The following TAF12 variants were observed in gnomAD, a reference collection of about 807,000 sequenced individuals.
TAF12 encodes the protein TATA-box binding protein associated factor 12, also known as transcription initiation factor TFIID subunit 12.
A neutral mutation model predicts 20.8 loss-of-function variants in TAF12; 3 were observed. The observed-to-expected ratio is 0.14, with a 90% CI of 0.07 to 0.37. The LOEUF (loss-of-function observed/expected upper bound fraction) is 0.37. Among genes scored for constraint, TAF12 ranks in the 10% least tolerant of loss-of-function variants. The pLI, the probability that TAF12 is intolerant of heterozygous loss-of-function variation, is 1.00. For synonymous variants in TAF12, 69 were observed against 70.2 expected, an observed-to-expected ratio of 0.98 and a Z score of 0.09; for missense variants, 131 against 197.9, an observed-to-expected ratio of 0.66 and a Z score of 2.03.
chr1:28,636,280 T>C (rs978482129), intron 1 of TAF12, among the ~76,000 whole-genome samples: 6 of 152,142 alleles, frequency 3.9e-5, no homozygotes, highest in African/African-American at 1.4e-4. Context: ...GGAGGACTGT[T>C]TGAGGTTAGG....
chr1:28,613,272 C>A lies in TAF12; in HGVS notation c.336G>T (p.Glu112Asp). Residue 112 changes from glutamate to aspartate, a missense_variant, in exon 4 of 6, where the codon GAG becomes GAT. Coordinates refer to ENST00000373824, the MANE Select transcript of TAF12 (RefSeq NM_005644.4). ...LARHRKSSTLEVKDVQLHLER... is the reference protein window; with the variant it reads ...LARHRKSSTLDVKDVQLHLER... ...CTAAATGCAGCTGGACATCTTTCACCTCCAGGGTGCTAGACTTGCGATGCC... is the reference window on the plus strand; with the variant it reads ...CTAAATGCAGCTGGACATCTTTCACATCCAGGGTGCTAGACTTGCGATGCC... 1 of 1,611,030 alleles carries A rather than the reference C, an allele frequency of 6.2e-7. No homozygotes were observed. Among genetic ancestry groups the A allele is most frequent in the South Asian group, 1.1e-5 (1 of 89,906 alleles).
upstream of TAF12, among the ~76,000 whole-genome samples, chr1:28,644,015 C>G (rs1668123238): frequency 6.6e-6 from 1 of 150,954 alleles, no homozygotes; most frequent in Admixed American, 6.6e-5. Context: ...CGCGCCACTG[C>G]ACTCCAGCCT....
intron 5 of TAF12, among the ~76,000 whole-genome samples, chr1:28,604,094 A>T (rs1343689076): frequency 6.6e-6 from 1 of 152,010 alleles, no homozygotes; most frequent in South Asian, 2.1e-4. Flanking sequence ...TAGTAGAGAC[A>T]GGGTTTCACT....
chr1:28,616,029 T>C (rs1667030773), intron 3 of TAF12, among the ~76,000 whole-genome samples: 1 of 152,184 alleles, frequency 6.6e-6, no homozygotes, highest in Non-Finnish European at 1.5e-5. Context: ...TTGTTAAACA[T>C]TTACCCATAT....
chr1:28,635,548 G>T (rs372628040), intron 1 of TAF12, among the ~76,000 whole-genome samples: 1 of 150,956 alleles, frequency 6.6e-6, no homozygotes, highest in African/African-American at 2.4e-5. Flanking sequence ...CTCATGATCT[G>T]CCCACCTCGG....
chr1:28,609,901 C>T (rs1191577314), intron 4 of TAF12, among the ~76,000 whole-genome samples: 1 of 152,188 alleles, frequency 6.6e-6, no homozygotes, highest in Non-Finnish European at 1.5e-5. Context: ...TCCCTGTACC[C>T]CCTTCCCCTT....
At chr1:28,604,737 C>T (rs868499160) in intron 5 of TAF12, among the ~76,000 whole-genome samples, 3 of 152,174 alleles carry the variant, frequency 2.0e-5, no homozygotes, top group African/African-American at 7.2e-5. Context: ...AAAAAGCTCA[C>T]GTTTCAAATC....
chr1:28,604,025 C>T (rs983699012), intron 5 of TAF12, among the ~76,000 whole-genome samples: 2 of 152,080 alleles, frequency 1.3e-5, no homozygotes, highest in Admixed American at 1.3e-4. Context: ...CTGCCTCAGC[C>T]TCCCCAGTAG....
intron 5 of TAF12, among the ~76,000 whole-genome samples, chr1:28,604,698 G>T (rs1666607450): frequency 6.6e-6 from 1 of 152,204 alleles, no homozygotes; most frequent in Admixed American, 6.5e-5. Context: ...ACTCAACCAG[G>T]ACTGCCCAGT....
intron 4 of TAF12, among the ~76,000 whole-genome samples, chr1:28,609,960 ATT>A (rs571047547): frequency 5.9e-5 from 9 of 151,698 alleles, no homozygotes; most frequent in Non-Finnish European, 1.0e-4. Context: ...GTCTCTATGA[ATT>A]TGTGTTGTGG....
At chr1:28,643,095 A>G (rs1206798447), upstream of TAF12, 1 of 985,660 alleles carries the variant, frequency 1.0e-6, no homozygotes, top group Admixed American at 6.2e-5. Context: ...TACTTCCGGC[A>G]CCGCTCCCCG....
At chr1:28,640,461 G>A (rs1570344250) in intron 1 of TAF12, among the ~76,000 whole-genome samples, 2 of 152,242 alleles carry the variant, frequency 1.3e-5, no homozygotes, top group South Asian at 4.1e-4. Context: ...CATGTAACTG[G>A]GGTTGGGTCA....
chr1:28,637,597 G>A (rs888742634), intron 1 of TAF12, among the ~76,000 whole-genome samples: 2 of 151,142 alleles, frequency 1.3e-5, no homozygotes, highest in Non-Finnish European at 3.0e-5. Context: ...CCCGTGAGGC[G>A]GAGGTTGCAG....
chr1:28,635,945 G>A (rs1362926443), intron 1 of TAF12, among the ~76,000 whole-genome samples: 4 of 152,012 alleles, frequency 2.6e-5, no homozygotes, highest in African/African-American at 9.7e-5. Context: ...CTGGAATCAA[G>A]AGGACTGGCC....
chr1:28,640,148 T>TA (rs1454866042), intron 1 of TAF12, among the ~76,000 whole-genome samples: 4 of 152,142 alleles, frequency 2.6e-5, no homozygotes, highest in Non-Finnish European at 5.9e-5. Flanking sequence ...CAGTCCAAAT[T>TA]AGTCTTTCTT....
chr1:28,644,360 A>C (rs141787841), upstream of TAF12, among the ~76,000 whole-genome samples: 3 of 152,324 alleles, frequency 2.0e-5, no homozygotes, highest in South Asian at 6.2e-4. Flanking sequence ...CCTCATGAAC[A>C]TTGGGCTCTA....
intron 1 of TAF12, among the ~76,000 whole-genome samples, chr1:28,625,537 ATTTTTTTT>A (rs753920655): frequency 1.5e-5 from 2 of 133,440 alleles, no homozygotes; most frequent in Non-Finnish European, 1.6e-5. Context: ...CACCCAGCTA[ATTTTTTTT>A]TTTTTTTTTT....
chr1:28,625,600 G>A (rs915850882), intron 1 of TAF12, among the ~76,000 whole-genome samples: 3 of 147,802 alleles, frequency 2.0e-5, no homozygotes, highest in Admixed American at 6.8e-5. Flanking sequence ...GGACTGCAGT[G>A]GCACTAACTC....
chr1:28,647,831 G>A (rs1668236939), upstream of TAF12, among the ~76,000 whole-genome samples: 1 of 151,574 alleles, frequency 6.6e-6, no homozygotes, highest in Non-Finnish European at 1.5e-5. Flanking sequence ...CCGATATCGC[G>A]CCACTGCACT....
Sources: allele counts gnomAD v4.1 joint callset (sites outside exome capture counted in the v4.1 genomes callset), GRCh38; gene constraint gnomAD v4.1.1; transcripts MANE v1.5; gene names NCBI Gene and HGNC (gene_info 2026-07-23, HGNC 2026-07-21).